The following FRMPD4 variants were observed in gnomAD, a reference collection of about 807,000 sequenced individuals.
FRMPD4 encodes FERM and PDZ domain-containing protein 4.
In FRMPD4, 22 loss-of-function variants were observed where a neutral mutation model predicts 94.1. The observed-to-expected ratio is 0.23, with a 90% confidence interval of 0.17 to 0.33. FRMPD4 has a LOEUF of 0.33. Among genes scored for constraint, FRMPD4 ranks in the 10% least tolerant of loss-of-function variants. FRMPD4 has a pLI of 1.00. For missense variants in FRMPD4, 1,111 were observed against 1,339.9 expected (o/e 0.83, Z 2.67); for synonymous variants, 631 against 548.6 (o/e 1.15, Z -2.10).
At chrX:11,951,523 T>C (rs928699843) in intron 3 of FRMPD4, among the ~76,000 whole-genome samples, 6 of 111,744 alleles carry the variant, frequency 5.4e-5, no homozygotes, top group Non-Finnish European at 9.4e-5. Context: ...TTCTCACTTA[T>C]AAGTGGAAGC....
intron 3 of FRMPD4, among the ~76,000 whole-genome samples, chrX:11,934,087 C>T (rs984020166): frequency 6.3e-5 from 7 of 111,976 alleles, no homozygotes; most frequent in African/African-American, 1.3e-4. Context: ...AGTCTACTGC[C>T]GCATAATCTC....
chrX:12,639,532 A>T (rs1213318073), intron 4 of FRMPD4, among the ~76,000 whole-genome samples: 1 of 112,245 alleles, frequency 8.9e-6, no homozygotes, highest in Non-Finnish European at 1.9e-5. Context: ...TTTACGATAC[A>T]TATGTAATTT....
chrX:11,854,770 C>T (rs1326891497), intron 1 of FRMPD4, among the ~76,000 whole-genome samples: 1 of 112,532 alleles, frequency 8.9e-6, no homozygotes, highest in Non-Finnish European at 1.9e-5. Flanking sequence ...CAGCTCCCTT[C>T]CTGGCTGTTT....
chrX:11,915,762 G>A (rs1305364304), intron 3 of FRMPD4, among the ~76,000 whole-genome samples: 1 of 112,011 alleles, frequency 8.9e-6, no homozygotes, highest in African/African-American at 3.2e-5. Context: ...GAGTCAGACT[G>A]ATTGGGTTTG....
chrX:12,123,275 T>C (rs899137802), intron 3 of FRMPD4, among the ~76,000 whole-genome samples: 78 of 110,777 alleles, frequency 7.0e-4, no homozygotes, highest in African/African-American at 2.5e-3. Context: ...ATAGCTGGGA[T>C]TACAGGCGTG....
chrX:12,213,818 G>C (rs758226163), intron 1 of FRMPD4, among the ~76,000 whole-genome samples: 1 of 111,882 alleles, frequency 8.9e-6, no homozygotes, highest in African/African-American at 3.2e-5. Flanking sequence ...ATTCTGGTGA[G>C]GTGACTTCTT....
At chrX:12,569,453 T>C in intron 2 of FRMPD4, among the ~76,000 whole-genome samples, 1 of 111,964 alleles carries the variant, frequency 8.9e-6, no homozygotes, top group Middle Eastern at 4.6e-3. Flanking sequence ...TCTCTATGGC[T>C]CAGGTTATCA....
At chrX:12,442,748 A>C (rs1283792790) in intron 1 of FRMPD4, among the ~76,000 whole-genome samples, 1 of 111,915 alleles carries the variant, frequency 8.9e-6, no homozygotes. Flanking sequence ...CCCAAGTGAG[A>C]TGTAAACAAT....
At chrX:12,073,747 T>G (rs749624477) in intron 3 of FRMPD4, among the ~76,000 whole-genome samples, 1 of 112,495 alleles carries the variant, frequency 8.9e-6, no homozygotes, top group Admixed American at 9.4e-5. Context: ...GCATTTTGTT[T>G]TATTTTAGAA....
intron 3 of FRMPD4, among the ~76,000 whole-genome samples, chrX:12,011,899 G>T (rs1172959336): frequency 9.5e-6 from 1 of 105,366 alleles, no homozygotes; most frequent in African/African-American, 3.5e-5. Context: ...CTTTCTTTAC[G>T]ATCTGAATTT....
intron 1 of FRMPD4, among the ~76,000 whole-genome samples, chrX:12,175,789 C>T (rs1357285417): frequency 3.6e-5 from 4 of 111,761 alleles, no homozygotes; most frequent in Admixed American, 9.5e-5. Context: ...GCTAGGATTA[C>T]AGGCATGAGC....
chrX:11,878,148 C>T (rs1017101731), intron 3 of FRMPD4, among the ~76,000 whole-genome samples: 3 of 112,070 alleles, frequency 2.7e-5, no homozygotes, highest in Non-Finnish European at 3.8e-5. Context: ...TATACAAGAA[C>T]GATGCCTTTG....
intron 1 of FRMPD4, among the ~76,000 whole-genome samples, chrX:12,245,123 G>A (rs906919761): frequency 1.2e-4 from 14 of 112,140 alleles, no homozygotes; most frequent in African/African-American, 3.9e-4. Flanking sequence ...CTCTATTTGC[G>A]TTCTTTCCCA....
chrX:12,056,410 C>T (rs2054854392), intron 3 of FRMPD4, among the ~76,000 whole-genome samples: 1 of 111,483 alleles, frequency 9.0e-6, no homozygotes, highest in Non-Finnish European at 1.9e-5. Flanking sequence ...CAAGGTAGGT[C>T]AGATAATTTC....
At position 12,428,908 on chromosome X, in the gene FRMPD4, G is replaced by GA. The variant is rs201431518; in HGVS notation, c.42-69765dup. Among the ~76,000 whole-genome samples, 731 of 111,638 alleles carry GA rather than the reference G, an allele frequency of 6.5e-3. 5 individuals carry two copies. The highest frequency in any genetic ancestry group is 0.023 in the African/African-American group (693 of 30,726). ...TCTGCTCATATTGAAAATGAAACAG[G>GA]AAAAAAACTAGTTGCATGCTCCATG... On this transcript the variant is annotated intron_variant, in intron 1 of 16. Coordinates refer to ENST00000675598, the MANE Select transcript of FRMPD4 (RefSeq NM_001368397.1).
At chrX:12,353,769 A>ATTGTG (rs1261712091) in intron 1 of FRMPD4, among the ~76,000 whole-genome samples, 1 of 112,394 alleles carries the variant, frequency 8.9e-6, no homozygotes, top group East Asian at 2.8e-4. Flanking sequence ...GAATTTAGAA[A>ATTGTG]TTGTATAGAC....
chrX:12,411,079 A>T (rs1337652940), intron 1 of FRMPD4, among the ~76,000 whole-genome samples: 5 of 111,733 alleles, frequency 4.5e-5, no homozygotes, highest in African/African-American at 1.3e-4. Flanking sequence ...CTGTTCAAAC[A>T]ACTGTGCCAT....
chrX:12,179,432 G>T (rs2056332448), intron 1 of FRMPD4, among the ~76,000 whole-genome samples: 1 of 111,801 alleles, frequency 8.9e-6, no homozygotes, highest in Admixed American at 9.5e-5. Context: ...ATCTATCATA[G>T]TTGGATAGAT....
At chrX:12,584,220 T>G in intron 2 of FRMPD4, among the ~76,000 whole-genome samples, 1 of 112,054 alleles carries the variant, frequency 8.9e-6, no homozygotes, top group East Asian at 2.8e-4. Flanking sequence ...CTAAATAAAT[T>G]TGGTTTACTC....
Sources: allele counts gnomAD v4.1 joint callset (sites outside exome capture counted in the v4.1 genomes callset), GRCh38; gene constraint gnomAD v4.1.1; transcripts MANE v1.5; gene names NCBI Gene and HGNC (gene_info 2026-07-23, HGNC 2026-07-21).